The following FSTL5 variants were observed in gnomAD, a reference collection of about 807,000 sequenced individuals.
FSTL5 encodes follistatin-related protein 5.
A neutral mutation model predicts 89.1 loss-of-function variants in FSTL5; 62 were observed. That is an observed-to-expected ratio of 0.70 (90% confidence interval 0.57 to 0.86). FSTL5 has a LOEUF of 0.86. FSTL5 is among the 40% of genes least tolerant of loss of function. The pLI, the probability that FSTL5 is intolerant of heterozygous loss-of-function variation, is 0.00. For synonymous variants in FSTL5, 383 were observed against 346.2 expected (o/e 1.11, Z -1.18); for missense variants, 1,057 against 1,001.6 (o/e 1.06, Z -0.75).
intron 7 of FSTL5, among the ~76,000 whole-genome samples, chr4:161,636,787 T>C (rs1282203786): frequency 7.0e-6 from 1 of 143,646 alleles, no homozygotes; most frequent in Non-Finnish European, 1.5e-5. Context: ...ACAAAGGACA[T>C]GAACTCATCA....
chr4:161,720,632 G>A (rs1354649938), intron 6 of FSTL5, among the ~76,000 whole-genome samples: 1 of 152,084 alleles, frequency 6.6e-6, no homozygotes, highest in African/African-American at 2.4e-5. Flanking sequence ...ATTTATGGAT[G>A]AGTAAATAAC....
chr4:161,737,400 G>A (rs1739856660), intron 6 of FSTL5, among the ~76,000 whole-genome samples: 1 of 151,992 alleles, frequency 6.6e-6, no homozygotes, highest in Non-Finnish European at 1.5e-5. Flanking sequence ...AGCAGAAATA[G>A]TAGGAAGGAT....
rs191518762 is a variant in FSTL5, at chr4:161,928,628, G to T, written c.161-7976C>A. On this transcript the variant is annotated intron_variant, in intron 3 of 15. Transcript: ENST00000306100. ...TTTACCATTCAATTAGGTAGTTGTG[G>T]TATCTTGAAGTTTTAATTTGCAATT... 7.2e-5 allele frequency among the ~76,000 whole-genome samples: 11 copies of T among 151,766 alleles called. No homozygotes were observed. The East Asian group carries it at 2.1e-3, about 29-fold the overall frequency.
intron 4 of FSTL5, among the ~76,000 whole-genome samples, chr4:161,796,141 T>C (rs1301685229): frequency 2.0e-5 from 3 of 151,988 alleles, no homozygotes; most frequent in Admixed American, 2.0e-4. Context: ...AAAGTACCCA[T>C]TCAAGTTTGG....
chr4:161,792,779 C>T (rs1246585785), intron 4 of FSTL5, among the ~76,000 whole-genome samples: 1 of 152,166 alleles, frequency 6.6e-6, no homozygotes, highest in Non-Finnish European at 1.5e-5. Context: ...TCCTCTCTGC[C>T]TTGCTTACCC....
intron 12 of FSTL5, among the ~76,000 whole-genome samples, chr4:161,498,327 T>G (rs72616792): frequency 0.15 from 22,814 of 152,076 alleles, 2,183 homozygotes; most frequent in East Asian, 0.37. Context: ...TTGCTTGTTT[T>G]TTTAACTTGA....
chr4:161,863,028 C>T (rs1375822070), intron 4 of FSTL5, among the ~76,000 whole-genome samples: 1 of 152,000 alleles, frequency 6.6e-6, no homozygotes, highest in Non-Finnish European at 1.5e-5. Flanking sequence ...TATGGAAAGC[C>T]CATTTTTTGC....
chr4:162,092,026 T>C (rs1730570224), intron 2 of FSTL5, among the ~76,000 whole-genome samples: 1 of 151,772 alleles, frequency 6.6e-6, no homozygotes, highest in African/African-American at 2.4e-5. Context: ...ATTTGTAATA[T>C]TTCCAAATTT....
chr4:161,517,972 T>C (rs1481031843), intron 10 of FSTL5, among the ~76,000 whole-genome samples: 1 of 152,222 alleles, frequency 6.6e-6, no homozygotes, highest in Non-Finnish European at 1.5e-5. Flanking sequence ...TCTATGGTAG[T>C]TGAAATTTCT....
At chr4:162,089,800 C>A (rs567646072) in intron 2 of FSTL5, among the ~76,000 whole-genome samples, 1 of 152,124 alleles carries the variant, frequency 6.6e-6, no homozygotes, top group Admixed American at 6.5e-5. Context: ...GTATTATTAA[C>A]CAATGCTTGA....
At chr4:161,927,817 T>G (rs1447906790) in intron 3 of FSTL5, among the ~76,000 whole-genome samples, 8 of 151,954 alleles carry the variant, frequency 5.3e-5, no homozygotes, top group African/African-American at 1.9e-4. Flanking sequence ...TATGATGAAG[T>G]GTAATACATT....
At chr4:162,139,629 A>G (rs1732649623) in intron 1 of FSTL5, among the ~76,000 whole-genome samples, 1 of 152,116 alleles carries the variant, frequency 6.6e-6, no homozygotes, top group Non-Finnish European at 1.5e-5. Context: ...GAATAGCTAT[A>G]TGAAAAAAAT....
intron 3 of FSTL5, among the ~76,000 whole-genome samples, chr4:162,028,568 C>G (rs1366396826): frequency 6.6e-6 from 1 of 152,138 alleles, no homozygotes; most frequent in African/African-American, 2.4e-5. Context: ...CAGAGTGAGG[C>G]TCTGTCTAAA....
intron 8 of FSTL5, among the ~76,000 whole-genome samples, chr4:161,549,814 T>C (rs1732137181): frequency 6.6e-6 from 1 of 151,922 alleles, no homozygotes; most frequent in Non-Finnish European, 1.5e-5. Flanking sequence ...CCAAAACCAA[T>C]CTGAGACTCT....
chr4:161,451,026 G>A (rs922264776), intron 15 of FSTL5, among the ~76,000 whole-genome samples: 1 of 152,064 alleles, frequency 6.6e-6, no homozygotes, highest in Non-Finnish European at 1.5e-5. Flanking sequence ...TTACAGGCAT[G>A]AGCCACTGAG....
intron 4 of FSTL5, among the ~76,000 whole-genome samples, chr4:161,792,987 G>A (rs973026568): frequency 1.3e-4 from 20 of 152,194 alleles, no homozygotes; most frequent in African/African-American, 4.3e-4. Context: ...CCCAAGCCAG[G>A]GCTGTGACAC....
intron 7 of FSTL5, among the ~76,000 whole-genome samples, chr4:161,652,345 GGATCGCTT>G (rs1156395672): frequency 6.6e-6 from 1 of 152,110 alleles, no homozygotes; most frequent in Non-Finnish European, 1.5e-5. Flanking sequence ...TGAGGTGGTA[GGATCGCTT>G]GAGCCCAGGA....
chr4:162,121,823 A>G (rs1314999112), intron 1 of FSTL5, among the ~76,000 whole-genome samples: 3 of 151,810 alleles, frequency 2.0e-5, no homozygotes, highest in Non-Finnish European at 4.4e-5. Context: ...AGCAAAACCA[A>G]CCTCTCTTCT....
intron 1 of FSTL5, among the ~76,000 whole-genome samples, chr4:162,118,868 A>T (rs987130748): frequency 1.3e-5 from 2 of 152,140 alleles, no homozygotes; most frequent in African/African-American, 4.8e-5. Flanking sequence ...CCATAAAGAA[A>T]AATAAAAGCT....
Sources: allele counts gnomAD v4.1 joint callset (sites outside exome capture counted in the v4.1 genomes callset), GRCh38; gene constraint gnomAD v4.1.1; transcripts MANE v1.5; gene names NCBI Gene and HGNC (gene_info 2026-07-23, HGNC 2026-07-21).